C12orf42: variants seen among roughly 807,000 people sequenced by gnomAD.
C12orf42 encodes the protein uncharacterized protein C12orf42.
A neutral mutation model predicts 21.6 loss-of-function variants in C12orf42; 25 were observed. That is an observed-to-expected ratio of 1.16 (90% CI 0.84 to 1.62). C12orf42 has a LOEUF of 1.62. Ranked by LOEUF, C12orf42 falls within the 40% of genes most tolerant of loss-of-function variation. The probability of loss-of-function intolerance (pLI) is 0.00; values close to 1 mark genes in which losing one functional copy is unlikely to be tolerated. For missense variants in C12orf42, 483 were observed against 459.3 expected (o/e 1.05, Z -0.47); for synonymous variants, 174 against 175.0 (o/e 0.99, Z 0.05).
At chr12:103,219,080 G>A in the C12orf42 span, among the ~76,000 whole-genome samples, 3 of 152,162 alleles carry the variant, frequency 2.0e-5, no homozygotes, top group African/African-American at 7.2e-5. Flanking sequence ...TCATTCCCCT[G>A]GAAAGGGGGC....
intron 4 of C12orf42, among the ~76,000 whole-genome samples, chr12:103,285,087 A>AAC (rs927845471): frequency 1.3e-5 from 2 of 152,158 alleles, no homozygotes; most frequent in African/African-American, 4.8e-5. Context: ...AAGGCAGAAG[A>AAC]ACTCATGAGC....
chr12:103,326,679 A>G (rs2040745000), intron 4 of C12orf42, among the ~76,000 whole-genome samples: 1 of 152,112 alleles, frequency 6.6e-6, no homozygotes. Flanking sequence ...AGACATTGAC[A>G]TTGGCTCAAT....
chr12:103,062,107 T>C, the C12orf42 span, among the ~76,000 whole-genome samples: 1 of 151,944 alleles, frequency 6.6e-6, no homozygotes, highest in Non-Finnish European at 1.5e-5. Flanking sequence ...CTTATTATGA[T>C]CTTAGTATTC....
intron 2 of C12orf42, among the ~76,000 whole-genome samples, chr12:103,468,309 C>CTG (rs1953304053): frequency 6.6e-6 from 1 of 152,106 alleles, no homozygotes; most frequent in Non-Finnish European, 1.5e-5. Flanking sequence ...TAGTTTTCAC[C>CTG]CTAATATTTG....
chr12:103,514,068 C>T, the C12orf42 span, among the ~76,000 whole-genome samples: 5 of 152,108 alleles, frequency 3.3e-5, no homozygotes, highest in East Asian at 1.9e-4. Context: ...TTAACAATCA[C>T]GGCAGAAAAG....
intron 4 of C12orf42, among the ~76,000 whole-genome samples, chr12:103,356,246 A>AATTGCTTATCAC (rs2043541356): frequency 6.6e-6 from 1 of 151,844 alleles, no homozygotes; most frequent in East Asian, 1.9e-4. Context: ...CCTCCTGATG[A>AATTGCTTATCAC]CTCCATAACT....
At chr12:103,335,527 C>A (rs111918309) in intron 4 of C12orf42, among the ~76,000 whole-genome samples, 1 of 152,116 alleles carries the variant, frequency 6.6e-6, no homozygotes, top group South Asian at 2.1e-4. Context: ...TCTATTTTTG[C>A]GTTTTCTGGA....
chr12:103,478,973 C>G (rs1954273512), intron 1 of C12orf42, among the ~76,000 whole-genome samples: 2 of 152,000 alleles, frequency 1.3e-5, no homozygotes, highest in South Asian at 4.1e-4. Flanking sequence ...TGGCTTTGTT[C>G]CTTTTTATTC....
In C12orf42 at chr12:103,368,915, A is replaced by C; in HGVS notation, c.231T>G (p.Phe77Leu). 1 of 1,588,982 alleles carries C rather than the reference A, an allele frequency of 6.3e-7. No homozygotes were observed. The highest frequency in any genetic ancestry group is 1.1e-5 in the South Asian group (1 of 87,704). The change falls in exon 4 of 6, where the codon TTT becomes TTG. Residue 77 changes from phenylalanine to leucine, a missense_variant. Transcript: ENST00000548883. Reference protein sequence around the residue: ...HMKNFSESPKFRSLHFLNFPV... With the variant: ...HMKNFSESPKLRSLHFLNFPV... ...GAAAATTCAGAAAGTGTAGACTACGAAATTTAGGAGATTCAGAGAAATTCT... is the reference window on the plus strand; with the variant it reads ...GAAAATTCAGAAAGTGTAGACTACGCAATTTAGGAGATTCAGAGAAATTCT...
the C12orf42 span, among the ~76,000 whole-genome samples, chr12:103,111,918 T>C: frequency 6.6e-6 from 1 of 152,222 alleles, no homozygotes. Flanking sequence ...AAATCTACAA[T>C]GATAAGAACA....
chr12:103,226,076 G>T, the C12orf42 span, among the ~76,000 whole-genome samples: 1 of 152,210 alleles, frequency 6.6e-6, no homozygotes, highest in Non-Finnish European at 1.5e-5. Context: ...CAGATGGGAC[G>T]TGGCTTAGGA....
chr12:103,147,299 T>C, the C12orf42 span, among the ~76,000 whole-genome samples: 1 of 152,116 alleles, frequency 6.6e-6, no homozygotes, highest in Non-Finnish European at 1.5e-5. Flanking sequence ...TTTTCATTTT[T>C]CTAAGCAATT....
At chr12:103,227,114 C>T in the C12orf42 span, among the ~76,000 whole-genome samples, 4 of 151,942 alleles carry the variant, frequency 2.6e-5, no homozygotes, top group Non-Finnish European at 5.9e-5. Context: ...TTTGAGAACA[C>T]AGGCCAAGGG....
downstream of C12orf42, chr12:103,268,306 A>T (rs1566006017): frequency 6.6e-6 from 1 of 152,080 alleles, no homozygotes. Flanking sequence ...TGTCTCAGCC[A>T]CATCTGTATA....
At chr12:103,205,603 C>T in the C12orf42 span, among the ~76,000 whole-genome samples, 6 of 152,102 alleles carry the variant, frequency 3.9e-5, no homozygotes, top group African/African-American at 1.4e-4. Context: ...TAGCCCGTAT[C>T]TCAGCAGTGC....
intron 1 of C12orf42, among the ~76,000 whole-genome samples, chr12:103,495,547 A>ACCATCTG (rs1955482966): frequency 6.6e-6 from 1 of 150,856 alleles, no homozygotes; most frequent in South Asian, 2.1e-4. Flanking sequence ...TCCGCGGGGG[A>ACCATCTG]CCATCTGCTC....
At chr12:103,299,226 C>G (rs190756457), downstream of C12orf42, among the ~76,000 whole-genome samples, 139 of 152,018 alleles carry the variant, frequency 9.1e-4, no homozygotes, top group Middle Eastern at 3.4e-3. Flanking sequence ...AAAGATGAAG[C>G]TTCCTTATCT....
the C12orf42 span, among the ~76,000 whole-genome samples, chr12:103,077,283 C>G: frequency 6.6e-6 from 1 of 151,866 alleles, no homozygotes; most frequent in Non-Finnish European, 1.5e-5. Context: ...ATATAAAATG[C>G]CAGCCAACAG....
intron 2 of C12orf42, among the ~76,000 whole-genome samples, chr12:103,405,515 C>T (rs2048360231): frequency 1.3e-5 from 2 of 152,234 alleles, no homozygotes; most frequent in South Asian, 2.1e-4. Flanking sequence ...CTTGATCATG[C>T]TCCTCAAAAA....
Sources: gnomAD v4.1 joint callset for allele counts (sites outside exome capture counted in the v4.1 genomes callset) on GRCh38, gnomAD v4.1.1 for gene constraint, MANE v1.5 for transcripts, NCBI Gene and HGNC (gene_info 2026-07-23, HGNC 2026-07-21) for gene names.